The following ZC3H7A variants were observed in gnomAD, a reference collection of about 807,000 sequenced individuals.
ZC3H7A encodes the protein zinc finger CCCH domain-containing protein 7A.
In ZC3H7A, 44 loss-of-function variants were observed where a neutral mutation model predicts 125.5. That is an observed-to-expected ratio of 0.35 (90% CI 0.28 to 0.45). The LOEUF is 0.45. ZC3H7A is among the 20% of genes least tolerant of loss of function. The pLI is 1.00. For synonymous variants in ZC3H7A, 399 were observed against 391.2 expected (o/e 1.02, Z -0.23); for missense variants, 977 against 1,170.7 (o/e 0.83, Z 2.41).
chr16:11,765,744 C>A lies in ZC3H7A; in HGVS notation c.1523-59G>T. ...CATGGCAATTGGCCTGTACTCCCAG[C>A]TACTTGGGAGGCTGAGGTGGGAGGA... On this transcript the variant is annotated intron_variant, in intron 13 of 22. Coordinates refer to ENST00000355758, the MANE Select transcript of ZC3H7A (RefSeq NM_014153.4). The surrounding 1 kb of genome is among the most constrained non-coding windows in gnomAD (Gnocchi z 4.8). 1 of 1,523,978 alleles carries A rather than the reference C, an allele frequency of 6.6e-7. No homozygotes were observed. 94.4% of individuals were successfully genotyped at this position (1,523,978 alleles called of 1,614,324 possible).
intron 3 of ZC3H7A, among the ~76,000 whole-genome samples, chr16:11,780,319 C>T (rs976432070): frequency 2.0e-5 from 3 of 151,964 alleles, no homozygotes; most frequent in Admixed American, 2.0e-4. Context: ...CAGGGTTTCG[C>T]CATGTTGCCC....
At chr16:11,779,052 A>G (rs1482142491) in intron 4 of ZC3H7A, 114 bp downstream of exon 4, 1 of 922,890 alleles carries the variant, frequency 1.1e-6, no homozygotes, top group Non-Finnish European at 1.6e-6. Flanking sequence ...CCACTCCAAA[A>G]GCAGGTAATA....
In ZC3H7A at chr16:11,774,217, G is replaced by A. The variant is rs1398473420; in HGVS notation, c.903+19C>T. The A allele has an allele frequency of 3.3e-6, 5 of 1,517,642 alleles. No homozygotes were observed. In the East Asian group the frequency reaches 1.2e-4, roughly 35 times the overall value. 94.0% of individuals were successfully genotyped at this position (1,517,642 alleles called of 1,614,324 possible). A position where few individuals can be genotyped will look rare whatever the true frequency, so the allele number is the denominator to read the frequency against. On this transcript the variant is annotated intron_variant, in intron 9 of 22. Coordinates refer to ENST00000355758, the MANE Select transcript of ZC3H7A (RefSeq NM_014153.4). ...TTAACTCTGTCTTCAGAAGAAACTT[G>A]AGTAACACTGAAACTTACCATAACA... is the stretch of plus-strand genomic sequence containing the variant.
chr16:11,790,712 T>C (rs533169511), intron 1 of ZC3H7A, among the ~76,000 whole-genome samples: 2 of 152,116 alleles, frequency 1.3e-5, no homozygotes, highest in Admixed American at 6.5e-5. Flanking sequence ...GCTAATTTTG[T>C]ATTTTTAGTA....
chr16:11,779,474 A>G, intron 3 of ZC3H7A, 111 bp from the exon 4 acceptor site: 1 of 901,576 alleles, frequency 1.1e-6, no homozygotes, highest in South Asian at 1.8e-5. Context: ...ACAGAACAGC[A>G]GCATTGCTCT....
intron 19 of ZC3H7A, among the ~76,000 whole-genome samples, chr16:11,760,099 T>A (rs149846435): frequency 1.1e-3 from 129 of 116,730 alleles, no homozygotes; most frequent in African/African-American, 2.6e-3. Flanking sequence ...CACTCCAGCC[T>A]GGGTGACAGA....
intron 19 of ZC3H7A, 95 bp downstream of exon 19, chr16:11,761,307 ATTAT>A (rs940447858): frequency 2.6e-6 from 3 of 1,154,032 alleles, no homozygotes; most frequent in Non-Finnish European, 3.8e-6. Flanking sequence ...ACTGACGAAT[ATTAT>A]TTAAAGGGCT....
At chr16:11,795,370 C>G (rs1051794859) in intron 1 of ZC3H7A, among the ~76,000 whole-genome samples, 2 of 152,198 alleles carry the variant, frequency 1.3e-5, no homozygotes, top group Non-Finnish European at 1.5e-5. Flanking sequence ...TGCGCGCTGT[C>G]CAGTCGAAAT....
chr16:11,791,292 A>T (rs1343220367), intron 1 of ZC3H7A, among the ~76,000 whole-genome samples: 1 of 151,876 alleles, frequency 6.6e-6, no homozygotes, highest in Non-Finnish European at 1.5e-5. Flanking sequence ...CTGACCTTTT[A>T]AGAGCTCCCA....
intron 5 of ZC3H7A, 106 bp from the exon 6 acceptor site, chr16:11,776,638 T>C (rs8054729): frequency 2.7e-6 from 4 of 1,495,538 alleles, no homozygotes; most frequent in Non-Finnish European, 3.6e-6. Flanking sequence ...TTCATTAGCA[T>C]TTATACCCAA....
At position 11,765,782 on chromosome 16, in the gene ZC3H7A, A is replaced by T; in HGVS notation, c.1523-97T>A. 3 of 1,202,616 alleles carry T rather than the reference A, an allele frequency of 2.5e-6. No homozygotes were observed. Among genetic ancestry groups the T allele is most frequent in the Non-Finnish European group, 3.5e-6 (3 of 868,022 alleles). 74.5% of individuals were successfully genotyped at this position (1,202,616 alleles called of 1,614,324 possible). A position where few individuals can be genotyped will look rare whatever the true frequency, so the allele number is the denominator to read the frequency against. Reference sequence around the variant, plus strand: ...TGAGGTGGGAGGATCCCTTGAGCCCAGGAGTTCAAGGCTGCGGTGAGCAAT... The same window carrying T: ...TGAGGTGGGAGGATCCCTTGAGCCCTGGAGTTCAAGGCTGCGGTGAGCAAT... On this transcript the variant is annotated intron_variant, in intron 13 of 22. Coordinates refer to ENST00000355758, the MANE Select transcript of ZC3H7A (RefSeq NM_014153.4). The surrounding 1 kb of genome is among the most constrained non-coding windows in gnomAD (Gnocchi z 4.8).
At chr16:11,773,246 C>A (rs1011571226) in intron 9 of ZC3H7A, among the ~76,000 whole-genome samples, 11 of 151,930 alleles carry the variant, frequency 7.2e-5, no homozygotes, top group Middle Eastern at 3.4e-3. Context: ...ATGGCACAAT[C>A]AGTGCTCACT....
intron 20 of ZC3H7A, among the ~76,000 whole-genome samples, chr16:11,757,177 G>A (rs2052663759): frequency 6.6e-6 from 1 of 152,094 alleles, no homozygotes; most frequent in South Asian, 2.1e-4. Flanking sequence ...TGTCCACAGG[G>A]AAGGGGAGTG....
At chr16:11,782,762 C>T (rs1166311517) in intron 1 of ZC3H7A, 4 of 160,250 alleles carry the variant, frequency 2.5e-5, no homozygotes, top group Non-Finnish European at 4.1e-5. Context: ...ACTCAGATGC[C>T]TGCGACCACG....
chr16:11,776,274 T>G lies in ZC3H7A; in HGVS notation c.585+46A>C, dbSNP rs767922214. 3 of 1,544,794 alleles carry G rather than the reference T, an allele frequency of 1.9e-6. No individual in the cohort carries two copies. In the Middle Eastern group the frequency reaches 6.4e-4, roughly 328 times the overall value. On this transcript the variant is annotated intron_variant, in intron 7 of 22. Transcript: ENST00000355758. ...ACTAAAAGTAGAATTGCTCCCATCC[T>G]TCCCTTTAAAAAAAAATATAATTTT...
intron 1 of ZC3H7A, among the ~76,000 whole-genome samples, chr16:11,788,491 CTT>C (rs1284423973): frequency 1.3e-5 from 2 of 152,228 alleles, no homozygotes; most frequent in African/African-American, 4.8e-5. Context: ...GGAATGTCTC[CTT>C]CCCATCCTAT....
rs182560122 is a variant in ZC3H7A, at chr16:11,785,347, A to T, written c.-34-2959T>A. Among the ~76,000 whole-genome samples the T allele has an allele frequency of 1.2e-3, 168 of 145,694 alleles. 1 individual carries two copies. Among genetic ancestry groups the T allele is most frequent in the Non-Finnish European group, 1.8e-3 (117 of 66,046 alleles). On this transcript the variant is annotated intron_variant, in intron 1 of 22. Coordinates refer to ENST00000355758, the MANE Select transcript of ZC3H7A (RefSeq NM_014153.4). ...GAGTGAGACCTTGCCTCGAAAAAAT[A>T]AAAAAAAAAGCAACCGGGTGTGGTG...
chr16:11,773,924 C>A (rs1410284564), intron 9 of ZC3H7A, among the ~76,000 whole-genome samples: 1 of 152,040 alleles, frequency 6.6e-6, no homozygotes, highest in East Asian at 1.9e-4. Flanking sequence ...AGTCTTTAAT[C>A]TATATAATTC....
intron 1 of ZC3H7A, among the ~76,000 whole-genome samples, chr16:11,784,171 A>C (rs72782725): frequency 6.6e-6 from 1 of 152,176 alleles, no homozygotes; most frequent in African/African-American, 2.4e-5. Context: ...CTTTTAAAAC[A>C]GTTTAGCCAA....
Sources: allele counts gnomAD v4.1 joint callset (sites outside exome capture counted in the v4.1 genomes callset), GRCh38; gene constraint gnomAD v4.1.1; non-coding constraint Gnocchi (gnomAD v3.1); transcripts MANE v1.5; gene names NCBI Gene and HGNC (gene_info 2026-07-23, HGNC 2026-07-21).